The following ANKRD31 variants were observed in gnomAD, a reference collection of about 807,000 sequenced individuals.
ANKRD31 encodes ankyrin repeat domain-containing protein 31.
ANKRD31 carries 147 observed loss-of-function variants against 186.0 expected under a neutral mutation model. The ratio of observed to expected loss-of-function variants is 0.79; its 90% CI spans 0.69 to 0.91. The LOEUF (loss-of-function observed/expected upper bound fraction) is 0.91. ANKRD31 is among the 40% of genes least tolerant of loss of function. The pLI, the probability that ANKRD31 is intolerant of heterozygous loss-of-function variation, is 0.00. For missense variants in ANKRD31, 1,986 were observed against 2,148.8 expected (o/e 0.92, Z 1.50); for synonymous variants, 673 against 736.4 (o/e 0.91, Z 1.39).
At chr5:75,117,990 A>G (rs1042781042) in intron 18 of ANKRD31, 145 bp downstream of exon 18, 38 of 630,038 alleles carry the variant, frequency 6.0e-5, no homozygotes, top group Non-Finnish European at 8.2e-5. Flanking sequence ...GCCAATTTCT[A>G]AAAATAAATA....
intron 17 of ANKRD31, among the ~76,000 whole-genome samples, chr5:75,131,449 G>T (rs1055289286): frequency 6.6e-6 from 1 of 152,230 alleles, no homozygotes; most frequent in African/African-American, 2.4e-5. Flanking sequence ...CAAGGTGGCA[G>T]CGAGGCTGGG....
chr5:75,100,118 T>C (rs1007819898), intron 22 of ANKRD31, among the ~76,000 whole-genome samples: 1 of 152,228 alleles, frequency 6.6e-6, no homozygotes, highest in African/African-American at 2.4e-5. Flanking sequence ...TTCTGGTATG[T>C]AGTGTCTCTG....
chr5:75,092,074 A>G (rs181539635), intron 22 of ANKRD31, among the ~76,000 whole-genome samples: 1 of 152,332 alleles, frequency 6.6e-6, no homozygotes, highest in East Asian at 1.9e-4. Flanking sequence ...CTCCAGGGCC[A>G]TGGCTCAGGG....
intron 15 of ANKRD31, among the ~76,000 whole-genome samples, chr5:75,142,161 T>A (rs570239908): frequency 6.6e-6 from 1 of 152,268 alleles, no homozygotes; most frequent in East Asian, 1.9e-4. Flanking sequence ...CAGGATCTTC[T>A]CTTTATTCCT....
intron 22 of ANKRD31, among the ~76,000 whole-genome samples, chr5:75,092,646 T>C (rs998011301): frequency 1.2e-4 from 18 of 151,736 alleles, no homozygotes; most frequent in Admixed American, 1.1e-3. Flanking sequence ...TGGGGTAGAG[T>C]TGCTACAATG....
intron 21 of ANKRD31, among the ~76,000 whole-genome samples, chr5:75,105,493 T>C (rs1747262986): frequency 6.6e-6 from 1 of 152,104 alleles, no homozygotes; most frequent in African/African-American, 2.4e-5. Flanking sequence ...AGATTTTATA[T>C]TCATACAATT....
At chr5:75,227,840 C>T (rs1757722521) in intron 2 of ANKRD31, among the ~76,000 whole-genome samples, 1 of 152,304 alleles carries the variant, frequency 6.6e-6, no homozygotes, top group East Asian at 1.9e-4. Context: ...GCTCCACCTC[C>T]TGTCTGATCA....
Position 75,080,644 on chromosome 5 carries a change from A to T in ANKRD31, c.5576-5T>A. 2 of 1,525,906 alleles carry T rather than the reference A, an allele frequency of 1.3e-6. No homozygotes were observed. The highest frequency in any genetic ancestry group is 2.5e-5 in the South Asian group (2 of 80,538). 94.5% of individuals were successfully genotyped at this position (1,525,906 alleles called of 1,614,324 possible). On this transcript the variant is annotated splice_region_variant and splice_polypyrimidine_tract_variant and intron_variant, in intron 24 of 25. Coordinates refer to ENST00000506364, the MANE Select transcript of ANKRD31 (RefSeq NM_001372053.1). ...GGTCATCTAAACAAGCAACTTCTGA[A>T]AGTGAAACAAAACGTTAGTAATAAT...
chr5:75,146,284 T>C lies in ANKRD31; in HGVS notation c.3127A>G (p.Thr1043Ala), dbSNP rs762809062. 5 of 1,536,544 alleles carry C rather than the reference T, an allele frequency of 3.3e-6. No homozygotes were observed. Among genetic ancestry groups the C allele is most frequent in the South Asian group, 2.4e-5 (2 of 84,044 alleles). The change falls in exon 14 of 26, where the codon ACT (threonine) becomes GCT (alanine). Residue 1043 changes from threonine to alanine, a missense_variant. By Grantham distance (58) the Thr-to-Ala change is moderately conservative. Coordinates refer to ENST00000506364, the MANE Select transcript of ANKRD31 (RefSeq NM_001372053.1). ...KPQDYIPRAP[T>A]FLMNQTDTHI... ...GTATCTGTTTGATTCATTAAAAAAGTTGGTGCTCTGGGAATATAATCCTGT... is the reference window on the plus strand; with the variant it reads ...GTATCTGTTTGATTCATTAAAAAAGCTGGTGCTCTGGGAATATAATCCTGT...
Position 75,195,920 on chromosome 5 carries a change from A to G in ANKRD31, c.728T>C (p.Val243Ala). ...STQEERLFEL[V>A]SDFDRKELMN... ...CAATTCTTTACGATCAAAATCACTT[A>G]CTAATTCAAACAATCTTTCCTCCTG... is the stretch of plus-strand genomic sequence containing the variant. Residue 243 changes from valine to alanine, a missense_variant, in exon 7 of 26, where the codon GTA (valine) becomes GCA (alanine). Transcript: ENST00000506364. The G allele has an allele frequency of 1.3e-6, 2 of 1,535,936 alleles. No individual in the cohort carries two copies. The highest frequency in any genetic ancestry group is 2.4e-5 in the East Asian group (1 of 40,886).
chr5:75,207,167 T>C (rs1421642639), intron 4 of ANKRD31, among the ~76,000 whole-genome samples: 1 of 152,208 alleles, frequency 6.6e-6, no homozygotes, highest in Non-Finnish European at 1.5e-5. Flanking sequence ...GAGCAGTTTT[T>C]AATGCAGTAG....
At chr5:75,231,716 C>T (rs1214841873) in intron 1 of ANKRD31, among the ~76,000 whole-genome samples, 2 of 152,112 alleles carry the variant, frequency 1.3e-5, no homozygotes, top group African/African-American at 2.4e-5. Context: ...CCACTTCATA[C>T]TCATTAGGAT....
chr5:75,151,373 G>GTGTCA (rs1462374459), intron 12 of ANKRD31, among the ~76,000 whole-genome samples: 1 of 152,002 alleles, frequency 6.6e-6, no homozygotes, highest in African/African-American at 2.4e-5. Flanking sequence ...TAATCCCCAT[G>GTGTCA]TGTCATGGGA....
chr5:75,149,182 A>G (rs1353958536), intron 12 of ANKRD31, among the ~76,000 whole-genome samples: 1 of 151,884 alleles, frequency 6.6e-6, no homozygotes, highest in African/African-American at 2.4e-5. Flanking sequence ...GTGTCTCTTC[A>G]TAGCCTCCTT....
intron 5 of ANKRD31, among the ~76,000 whole-genome samples, chr5:75,200,018 A>C (rs1431508510): frequency 6.6e-6 from 1 of 152,172 alleles, no homozygotes; most frequent in Non-Finnish European, 1.5e-5. Context: ...CAGTGTCATT[A>C]TCTCTTCTAC....
rs570349434 is a variant in ANKRD31, at chr5:75,184,746, C to T, written c.1564+3747G>A. 7.2e-5 allele frequency among the ~76,000 whole-genome samples: 11 copies of T among 152,098 alleles called. 1 individual carries two copies. The South Asian group carries it at 1.9e-3, about 26-fold the overall frequency. On this transcript the variant is annotated intron_variant, in intron 10 of 25. Transcript: ENST00000506364. ...TGATGAGGATGTGGAGAAAAGAGAA[C>T]CTTTACGCTTTTGGTGGGAATGTAA... is the stretch of plus-strand genomic sequence containing the variant.
chr5:75,121,114 C>CAGA (rs1272161640), intron 17 of ANKRD31, among the ~76,000 whole-genome samples: 3 of 149,808 alleles, frequency 2.0e-5, no homozygotes, highest in Non-Finnish European at 4.4e-5. Context: ...ACCTGGGAGG[C>CAGA]AGAGGTTGCA....
chr5:75,130,225 C>T (rs1322249406), intron 17 of ANKRD31, among the ~76,000 whole-genome samples: 2 of 152,134 alleles, frequency 1.3e-5, no homozygotes, highest in East Asian at 1.9e-4. Flanking sequence ...TTCGTGGTCT[C>T]GCTGGCTTCA....
chr5:75,172,365 T>TA (rs35258134), intron 10 of ANKRD31, among the ~76,000 whole-genome samples: 33,485 of 145,274 alleles, frequency 0.23, 3,976 homozygotes, highest in South Asian at 0.4. Context: ...AAACTCTATT[T>TA]AAAAAAAAAA....
Sources: gnomAD v4.1 joint callset for allele counts (sites outside exome capture counted in the v4.1 genomes callset) on GRCh38, gnomAD v4.1.1 for gene constraint, MANE v1.5 for transcripts, NCBI Gene and HGNC (gene_info 2026-07-23, HGNC 2026-07-21) for gene names.